Variants in CNTN4 observed in about 807,000 individuals in gnomAD.
CNTN4 encodes the protein contactin 4.
In CNTN4, 77 loss-of-function variants were observed where a neutral mutation model predicts 122.5. That is an observed-to-expected ratio of 0.63 (90% CI 0.52 to 0.76). The LOEUF (loss-of-function observed/expected upper bound fraction) is 0.76, where lower values mean the gene tolerates loss of function less well. Ranked by LOEUF, CNTN4 falls within the 30% of genes least tolerant of loss-of-function variation. CNTN4 has a pLI of 0.00. For synonymous variants in CNTN4, 512 were observed against 447.0 expected (o/e 1.15, Z -1.83); for missense variants, 1,256 against 1,259.1 (o/e 1.00, Z 0.04).
chr3:2,835,716 A>C (rs544793404), intron 7 of CNTN4, among the ~76,000 whole-genome samples: 1 of 152,104 alleles, frequency 6.6e-6, no homozygotes, highest in South Asian at 2.1e-4. Context: ...CAAAAGTGAA[A>C]AAAATGAGAA....
At chr3:2,381,538 C>T (rs924549135) in intron 3 of CNTN4, among the ~76,000 whole-genome samples, 5 of 152,108 alleles carry the variant, frequency 3.3e-5, no homozygotes, top group Admixed American at 6.5e-5. Flanking sequence ...ATTAATAAAT[C>T]TGAAGTCAAA....
intron 12 of CNTN4, among the ~76,000 whole-genome samples, chr3:2,903,261 G>A (rs2094194538): frequency 6.6e-6 from 1 of 152,122 alleles, no homozygotes; most frequent in South Asian, 2.1e-4. Flanking sequence ...TCTATTGACT[G>A]CACTTCTAAA....
chr3:2,466,427 G>A (rs1168754755), intron 3 of CNTN4, among the ~76,000 whole-genome samples: 1 of 152,110 alleles, frequency 6.6e-6, no homozygotes, highest in East Asian at 1.9e-4. Flanking sequence ...AATAAGATTA[G>A]AACCCTTCAA....
At chr3:2,471,739 A>G (rs1280822687) in intron 3 of CNTN4, among the ~76,000 whole-genome samples, 1 of 152,126 alleles carries the variant, frequency 6.6e-6, no homozygotes, top group African/African-American at 2.4e-5. Context: ...TCTCCTCTAA[A>G]TGTTCTAAGC....
In CNTN4 at chr3:2,781,788, G is replaced by C. The variant is rs369423076; in HGVS notation, c.358+36091G>C. ...CGCCCAGGCTGGAGGGCAGTAGCGC[G>C]ATCTCTGCTCACTGCAACCTCCGCC... On this transcript the variant is annotated intron_variant, in intron 6 of 24. Coordinates refer to ENST00000418658, the MANE Select transcript of CNTN4 (RefSeq NM_175607.3). Among the ~76,000 whole-genome samples, 385 of 127,936 alleles carry C rather than the reference G, an allele frequency of 3.0e-3. 10 individuals carry two copies. The highest frequency in any genetic ancestry group is 0.011 in the African/African-American group (293 of 27,320). 83.9% of individuals were successfully genotyped at this position (127,936 alleles called of 152,430 possible). A position where few individuals can be genotyped will look rare whatever the true frequency, so the allele number is the denominator to read the frequency against.
intron 3 of CNTN4, among the ~76,000 whole-genome samples, chr3:2,475,703 A>G (rs1468791962): frequency 1.3e-5 from 2 of 152,128 alleles, no homozygotes; most frequent in Non-Finnish European, 2.9e-5. Context: ...CCTGCCCTAT[A>G]TTAACAACAG....
chr3:2,492,331 G>A (rs963522422), intron 3 of CNTN4, among the ~76,000 whole-genome samples: 6 of 152,226 alleles, frequency 3.9e-5, no homozygotes, highest in African/African-American at 1.2e-4. Flanking sequence ...TGGAGTTTGC[G>A]ATAGTGGGTC....
intron 3 of CNTN4, among the ~76,000 whole-genome samples, chr3:2,386,562 C>T (rs1031187097): frequency 6.6e-6 from 1 of 152,084 alleles, no homozygotes; most frequent in Admixed American, 6.6e-5. Context: ...TTTTAGCAGT[C>T]ATTTTTGGAG....
At chr3:2,789,337 T>C (rs899669043) in intron 6 of CNTN4, among the ~76,000 whole-genome samples, 1 of 152,218 alleles carries the variant, frequency 6.6e-6, no homozygotes, top group Admixed American at 6.5e-5. Flanking sequence ...AAGTGTGGAA[T>C]TATGTTTAGT....
At chr3:2,441,811 G>T (rs1047776512) in intron 3 of CNTN4, among the ~76,000 whole-genome samples, 7 of 152,172 alleles carry the variant, frequency 4.6e-5, no homozygotes, top group African/African-American at 1.7e-4. Context: ...GCTGTTGGCA[G>T]TGTGCAGTAT....
chr3:2,867,011 T>G, intron 8 of CNTN4, 62 bp downstream of exon 8: 1 of 1,380,876 alleles, frequency 7.2e-7, no homozygotes, highest in Non-Finnish European at 1.0e-6. Flanking sequence ...TGTGGAGGTA[T>G]GTTATGTTGT....
chr3:2,892,943 T>C (rs1324031512), intron 10 of CNTN4, among the ~76,000 whole-genome samples: 1 of 152,188 alleles, frequency 6.6e-6, no homozygotes, highest in Non-Finnish European at 1.5e-5. Flanking sequence ...TTTTTTCTGC[T>C]ATTCTACCTG....
chr3:2,330,324 C>G (rs1385902031), intron 2 of CNTN4, among the ~76,000 whole-genome samples: 1 of 152,094 alleles, frequency 6.6e-6, no homozygotes, highest in Non-Finnish European at 1.5e-5. Flanking sequence ...CAGTTGCAGT[C>G]CTTTTTGGTT....
At chr3:3,042,054 A>G (rs564278928) in intron 20 of CNTN4, among the ~76,000 whole-genome samples, 26 of 152,232 alleles carry the variant, frequency 1.7e-4, no homozygotes, top group Non-Finnish European at 3.5e-4. Context: ...ATTGCTGGCT[A>G]TGAAAACTTG....
At chr3:2,617,203 C>T (rs532940959) in intron 4 of CNTN4, among the ~76,000 whole-genome samples, 28 of 152,176 alleles carry the variant, frequency 1.8e-4, no homozygotes, top group Non-Finnish European at 3.7e-4. Context: ...AGTGAATAGG[C>T]AACCTACAGA....
At chr3:2,474,332 G>A (rs1421984607) in intron 3 of CNTN4, among the ~76,000 whole-genome samples, 2 of 152,104 alleles carry the variant, frequency 1.3e-5, no homozygotes, top group Non-Finnish European at 2.9e-5. Context: ...AGCACTTCTT[G>A]AACACTCAAT....
chr3:3,014,356 G>C (rs9860316), intron 14 of CNTN4, among the ~76,000 whole-genome samples: 16,412 of 152,226 alleles, frequency 0.11, 905 homozygotes, highest in South Asian at 0.15. Flanking sequence ...GAAAATGTGG[G>C]ACTTTGGGTC....
intron 2 of CNTN4, among the ~76,000 whole-genome samples, chr3:2,120,405 A>ATATATATATATATATATATATATATTTT (rs1428527983): frequency 9.8e-5 from 4 of 40,868 alleles, no homozygotes; most frequent in Non-Finnish European, 1.3e-4. Context: ...ATATATATAT[A>ATATATATATATATATATATATATATTTT]TTTTTTTTTT....
intron 3 of CNTN4, among the ~76,000 whole-genome samples, chr3:2,350,404 AG>A (rs1458422772): frequency 2.1e-4 from 32 of 152,168 alleles, no homozygotes; most frequent in Admixed American, 2.1e-3. Flanking sequence ...GGAAAATAAA[AG>A]CTTCCACCAA....
Sources: allele counts gnomAD v4.1 joint callset (sites outside exome capture counted in the v4.1 genomes callset), GRCh38; gene constraint gnomAD v4.1.1; transcripts MANE v1.5; gene names NCBI Gene and HGNC (gene_info 2026-07-23, HGNC 2026-07-21).